Variants in KCNJ6 observed in about 807,000 individuals in gnomAD.
The protein encoded by KCNJ6 is G protein-activated inward rectifier potassium channel 2.
KCNJ6 carries 9 observed loss-of-function variants against 34.2 expected under a neutral mutation model. That is an observed-to-expected ratio of 0.26 (90% CI 0.16 to 0.46). The LOEUF (loss-of-function observed/expected upper bound fraction) is 0.46. Among genes scored for constraint, KCNJ6 ranks in the 20% least tolerant of loss-of-function variants. The pLI, the probability that KCNJ6 is intolerant of heterozygous loss-of-function variation, is 1.00. For missense variants in KCNJ6, 236 were observed against 531.3 expected (o/e 0.44, Z 5.46); for synonymous variants, 196 against 207.1 (o/e 0.95, Z 0.46).
rs2054302213 is a variant in KCNJ6, at chr21:37,624,537, A to G, written c.*622T>C. ...CTAAACCTACATTAATGATACATCT[A>G]TGTACAGTATTTAGCAGTTCTGTTC... On this transcript the variant is annotated 3_prime_UTR_variant, in exon 4 of 4. Transcript: ENST00000609713. 1.3e-5 allele frequency: 2 copies of G among 152,036 alleles called. No individual in the cohort carries two copies. The highest frequency in any genetic ancestry group is 2.9e-5 in the Non-Finnish European group (2 of 68,094). The allele number at this position is 152,036 out of a possible 1,614,324, so 9.4% of individuals were successfully genotyped here. A position where few individuals can be genotyped will look rare whatever the true frequency, so the allele number is the denominator to read the frequency against.
At chr21:37,671,153 G>A (rs931938824) in intron 3 of KCNJ6, among the ~76,000 whole-genome samples, 1 of 152,194 alleles carries the variant, frequency 6.6e-6, no homozygotes, top group Non-Finnish European at 1.5e-5. Flanking sequence ...TCCGGGTGGG[G>A]GCTGGCCACC....
At chr21:37,683,605 C>T (rs1209818995) in intron 3 of KCNJ6, among the ~76,000 whole-genome samples, 2 of 152,172 alleles carry the variant, frequency 1.3e-5, no homozygotes, top group Non-Finnish European at 1.5e-5. Context: ...GTTTTCCCTG[C>T]TTAACATATT....
intron 1 of KCNJ6, among the ~76,000 whole-genome samples, chr21:37,888,893 G>A (rs548842364): frequency 8.3e-4 from 126 of 152,316 alleles, no homozygotes; most frequent in South Asian, 1.5e-3. Context: ...AGACAGAGCC[G>A]GGAGACTGAG....
chr21:37,757,556 A>C (rs112484183), intron 2 of KCNJ6, among the ~76,000 whole-genome samples: 1 of 140,332 alleles, frequency 7.1e-6, no homozygotes, highest in Admixed American at 7.4e-5. Flanking sequence ...CCCTCACAGC[A>C]TGATGGTTCC....
At chr21:37,625,631 G>A in intron 3 of KCNJ6, 147 bp from the exon 4 acceptor site, 2 of 613,276 alleles carry the variant, frequency 3.3e-6, no homozygotes, top group East Asian at 2.7e-5. Flanking sequence ...CATTCATGTT[G>A]TAGACACATG....
At chr21:37,823,801 G>A (rs2055385577) in intron 2 of KCNJ6, among the ~76,000 whole-genome samples, 1 of 151,872 alleles carries the variant, frequency 6.6e-6, no homozygotes, top group Admixed American at 6.5e-5. Context: ...GCAGAGAGTA[G>A]GTAGAATGGT....
At chr21:37,877,798 T>C (rs1342922162) in intron 1 of KCNJ6, among the ~76,000 whole-genome samples, 1 of 152,392 alleles carries the variant, frequency 6.6e-6, no homozygotes, top group Admixed American at 6.5e-5. Flanking sequence ...ACTCCATTGT[T>C]TTAGTTGGAA....
intron 2 of KCNJ6, among the ~76,000 whole-genome samples, chr21:37,796,303 G>A (rs967400219): frequency 7.2e-5 from 11 of 152,126 alleles, no homozygotes; most frequent in Admixed American, 2.0e-4. Context: ...GAAACAAAGC[G>A]AAATTAGAGT....
intron 2 of KCNJ6, among the ~76,000 whole-genome samples, chr21:37,806,577 T>C (rs765371659): frequency 5.9e-5 from 9 of 152,186 alleles, no homozygotes; most frequent in Non-Finnish European, 1.0e-4. Flanking sequence ...AGCTTTCAAA[T>C]ATCAGGAGGA....
intron 2 of KCNJ6, among the ~76,000 whole-genome samples, chr21:37,837,186 C>T (rs1396477015): frequency 6.6e-6 from 1 of 152,120 alleles, no homozygotes; most frequent in Non-Finnish European, 1.5e-5. Flanking sequence ...ATCTACTTTT[C>T]TTCCCTTCTC....
chr21:37,838,049 C>G (rs2055460792), intron 2 of KCNJ6, among the ~76,000 whole-genome samples: 1 of 152,176 alleles, frequency 6.6e-6, no homozygotes, highest in South Asian at 2.1e-4. Context: ...CTGTTCTCAA[C>G]TTTTAAATTT....
At chr21:37,813,394 T>TA (rs914840784) in intron 2 of KCNJ6, among the ~76,000 whole-genome samples, 38 of 151,316 alleles carry the variant, frequency 2.5e-4, no homozygotes, top group African/African-American at 5.8e-4. Context: ...TTCACAGAAA[T>TA]AAAAAAAAAT....
In KCNJ6 at chr21:37,617,115, T is replaced by TCTTC. The variant is rs1362176659; in HGVS notation, c.*8040_*8043dup. 3.8e-5 allele frequency: 5 copies of TCTTC among 131,222 alleles called. No individual in the cohort carries two copies. The highest frequency in any genetic ancestry group is 9.1e-5 in the African/African-American group (3 of 33,042). The allele number at this position is 131,222 out of a possible 1,614,324, so 8.1% of individuals were successfully genotyped here. On this transcript the variant is annotated 3_prime_UTR_variant, in exon 4 of 4. Transcript: ENST00000609713. ...TCTTTCTTTTCTTTCTTTCTTTCCT[T>TCTTC]CTTCCTTCCTTCCTTCTTTCTTTCC... is the stretch of plus-strand genomic sequence containing the variant.
intron 2 of KCNJ6, among the ~76,000 whole-genome samples, chr21:37,724,842 T>A (rs1159714294): frequency 6.6e-6 from 1 of 151,908 alleles, no homozygotes; most frequent in Non-Finnish European, 1.5e-5. Flanking sequence ...GGAAAAAAAA[T>A]GATGAGTCTT....
intron 2 of KCNJ6, among the ~76,000 whole-genome samples, chr21:37,741,049 A>G (rs373110363): frequency 6.1e-4 from 93 of 152,138 alleles, no homozygotes; most frequent in African/African-American, 2.1e-3. Context: ...TCTCCTGTGG[A>G]TGAAGCGCTC....
chr21:37,764,746 A>C (rs1488105052), intron 2 of KCNJ6, among the ~76,000 whole-genome samples: 5 of 152,160 alleles, frequency 3.3e-5, no homozygotes, highest in South Asian at 4.1e-4. Flanking sequence ...TTGTATTTTT[A>C]AGGTTGAATG....
intron 3 of KCNJ6, among the ~76,000 whole-genome samples, chr21:37,689,877 T>C (rs2054631786): frequency 6.6e-6 from 1 of 152,240 alleles, no homozygotes; most frequent in African/African-American, 2.4e-5. Flanking sequence ...ACTAGATGGC[T>C]TGGGTCTCAG....
intron 2 of KCNJ6, among the ~76,000 whole-genome samples, chr21:37,762,648 A>C (rs1041319053): frequency 2.0e-5 from 3 of 151,996 alleles, no homozygotes; most frequent in African/African-American, 7.2e-5. Flanking sequence ...AGGACATTCG[A>C]GTGGGCTCAC....
Position 37,607,442 on chromosome 21 carries a change from C to G in KCNJ6, c.*17717G>C, listed in dbSNP as rs1404085735. The G allele has an allele frequency of 1.5e-5, 2 of 135,902 alleles. No homozygotes were observed. Among genetic ancestry groups the G allele is most frequent in the Admixed American group, 7.7e-5 (1 of 12,924 alleles). 8.4% of individuals were successfully genotyped at this position (135,902 alleles called of 1,614,324 possible). Reference sequence around the variant, plus strand: ...ACACCTCAATATGTAAACAGTTTCCCTAACACAGCGAGTTCTTAAAGATAT... The same window carrying G: ...ACACCTCAATATGTAAACAGTTTCCGTAACACAGCGAGTTCTTAAAGATAT... On this transcript the variant is annotated 3_prime_UTR_variant, in exon 4 of 4. Coordinates refer to ENST00000609713, the MANE Select transcript of KCNJ6 (RefSeq NM_002240.5).
Sources: allele counts gnomAD v4.1 joint callset (sites outside exome capture counted in the v4.1 genomes callset), GRCh38; gene constraint gnomAD v4.1.1; transcripts MANE v1.5; gene names NCBI Gene and HGNC (gene_info 2026-07-23, HGNC 2026-07-21).